Variants in MTUS2 observed in about 807,000 individuals in gnomAD.
MTUS2 encodes the protein microtubule-associated tumor suppressor candidate 2.
A neutral mutation model predicts 114.1 loss-of-function variants in MTUS2; 40 were observed. That is an observed-to-expected ratio of 0.35 (90% confidence interval 0.27 to 0.46). The LOEUF (loss-of-function observed/expected upper bound fraction) is 0.46. Among genes scored for constraint, MTUS2 ranks in the 20% least tolerant of loss-of-function variants. The probability of loss-of-function intolerance (pLI) is 1.00; values close to 1 mark genes in which losing one functional copy is unlikely to be tolerated. For synonymous variants in MTUS2, 688 were observed against 672.0 expected (o/e 1.02, Z -0.37); for missense variants, 1,679 against 1,705.4 (o/e 0.98, Z 0.27).
intron 2 of MTUS2, among the ~76,000 whole-genome samples, chr13:28,911,845 G>GTTTTTTTTTTTTTTTTTTTTTATT (rs202187530): frequency 8.7e-5 from 9 of 103,814 alleles, no homozygotes; most frequent in African/African-American, 1.5e-4. Context: ...ACTTTTTAAT[G>GTTTTTTTTTTTTTTTTTTTTTATT]TTTTTTTTTT....
chr13:29,264,915 C>A (rs183123533), intron 5 of MTUS2, among the ~76,000 whole-genome samples: 7 of 152,376 alleles, frequency 4.6e-5, no homozygotes, highest in Admixed American at 4.6e-4. Flanking sequence ...GATATTAGCA[C>A]TTGACTCCCT....
intron 8 of MTUS2, among the ~76,000 whole-genome samples, chr13:29,430,298 G>C (rs914446976): frequency 3.3e-5 from 5 of 152,094 alleles, no homozygotes; most frequent in African/African-American, 1.2e-4. Context: ...AGTATGTTTC[G>C]AAAGGAGTCT....
intron 8 of MTUS2, among the ~76,000 whole-genome samples, chr13:29,424,289 A>G (rs529452452): frequency 5.3e-5 from 8 of 152,336 alleles, no homozygotes; most frequent in African/African-American, 1.9e-4. Flanking sequence ...TGATTACTAC[A>G]TATTGTATGC....
At chr13:29,293,443 C>T (rs1338757741) in intron 6 of MTUS2, among the ~76,000 whole-genome samples, 2 of 152,102 alleles carry the variant, frequency 1.3e-5, no homozygotes, top group Admixed American at 6.5e-5. Flanking sequence ...AGATTTATTA[C>T]ATCCAGCGTT....
rs58312532 is a variant in MTUS2, at chr13:29,371,218, A to ACC, written c.3117+11755_3117+11756dup. ...TTCATTTAATATCTTCACATTAACCACCCCCCCCCCCTTTTTTGAGATGGA... is the reference window on the plus strand; with the variant it reads ...TTCATTTAATATCTTCACATTAACCACCCCCCCCCCCCCTTTTTTGAGATGGA... On this transcript the variant is annotated intron_variant, in intron 8 of 15. Transcript: ENST00000612955. 4.0e-4 allele frequency among the ~76,000 whole-genome samples: 41 copies of ACC among 101,342 alleles called. No homozygotes were observed. In the East Asian group the frequency reaches 6.8e-3, roughly 17 times the overall value. 66.5% of individuals were successfully genotyped at this position (101,342 alleles called of 152,430 possible).
intron 2 of MTUS2, among the ~76,000 whole-genome samples, chr13:28,892,189 T>C (rs1878972722): frequency 6.6e-6 from 1 of 152,200 alleles, no homozygotes; most frequent in African/African-American, 2.4e-5. Flanking sequence ...AGTATTTATA[T>C]ACCCTGTGTT....
chr13:29,172,115 G>A (rs1893588611), intron 5 of MTUS2, among the ~76,000 whole-genome samples: 1 of 152,148 alleles, frequency 6.6e-6, no homozygotes, highest in African/African-American at 2.4e-5. Context: ...AGGTGATTGT[G>A]GTATCATGGA....
At chr13:29,194,595 A>C (rs1894594742) in intron 5 of MTUS2, among the ~76,000 whole-genome samples, 1 of 151,588 alleles carries the variant, frequency 6.6e-6, no homozygotes, top group South Asian at 2.1e-4. Flanking sequence ...TCAGGAAACA[A>C]CAGGTGCTGG....
intron 5 of MTUS2, among the ~76,000 whole-genome samples, chr13:29,201,394 C>T (rs1051806460): frequency 6.6e-6 from 1 of 151,486 alleles, no homozygotes; most frequent in Non-Finnish European, 1.5e-5. Context: ...TGTTTTGAGC[C>T]TGTGTGTGTC....
intron 6 of MTUS2, among the ~76,000 whole-genome samples, chr13:29,314,697 G>A (rs999669849): frequency 6.6e-6 from 1 of 152,204 alleles, no homozygotes; most frequent in African/African-American, 2.4e-5. Flanking sequence ...GATAAGACAA[G>A]ATACTACTGG....
chr13:28,910,937 G>A (rs550563102), intron 2 of MTUS2, among the ~76,000 whole-genome samples: 5 of 131,222 alleles, frequency 3.8e-5, no homozygotes, highest in South Asian at 4.9e-4. Flanking sequence ...GTACAGTGGC[G>A]TGATCTCGGC....
chr13:29,389,371 G>GTGTGTA (rs1566172660), intron 8 of MTUS2, among the ~76,000 whole-genome samples: 13 of 64,392 alleles, frequency 2.0e-4, no homozygotes, highest in East Asian at 4.6e-4. Context: ...ATGCACGTGT[G>GTGTGTA]TGTATATATG....
rs1566163838 is a variant in MTUS2, at chr13:29,375,634, TATATACAC to T, written c.3117+16163_3117+16170del. 3.3e-3 allele frequency among the ~76,000 whole-genome samples: 28 copies of T among 8,608 alleles called. 10 individuals are homozygous for T. The highest frequency in any genetic ancestry group is 6.0e-3 in the Non-Finnish European group (11 of 1,838). The allele number at this position is 8,608 out of a possible 152,430, so 5.6% of individuals were successfully genotyped here. A position where few individuals can be genotyped will look rare whatever the true frequency, so the allele number is the denominator to read the frequency against. ...GTATATATATATATATATATATATA[TATATACAC>T]ACACCATGAAATACCACTCAGCTAT... On this transcript the variant is annotated intron_variant, in intron 8 of 15. Transcript: ENST00000612955.
intron 2 of MTUS2, among the ~76,000 whole-genome samples, chr13:28,983,783 T>C (rs967576765): frequency 2.0e-5 from 3 of 152,242 alleles, no homozygotes; most frequent in Admixed American, 6.5e-5. Context: ...GCCAGGGCTC[T>C]AGAGCACTCT....
At chr13:29,302,116 G>C (rs1383408496) in intron 6 of MTUS2, among the ~76,000 whole-genome samples, 1 of 152,168 alleles carries the variant, frequency 6.6e-6, no homozygotes, top group Non-Finnish European at 1.5e-5. Flanking sequence ...GCACTCAGAG[G>C]AATGAAAAGG....
At chr13:29,048,950 G>T (rs1293950863) in intron 4 of MTUS2, among the ~76,000 whole-genome samples, 1 of 152,174 alleles carries the variant, frequency 6.6e-6, no homozygotes, top group Non-Finnish European at 1.5e-5. Flanking sequence ...CTGGAGTAAA[G>T]TTATATCACT....
intron 8 of MTUS2, among the ~76,000 whole-genome samples, chr13:29,401,128 C>T (rs571842364): frequency 1.1e-4 from 17 of 152,202 alleles, no homozygotes; most frequent in South Asian, 1.0e-3. Flanking sequence ...CCTGGGACTA[C>T]GGGCACACAC....
At chr13:29,490,874 G>A (rs917728525) in intron 11 of MTUS2, among the ~76,000 whole-genome samples, 1 of 152,246 alleles carries the variant, frequency 6.6e-6, no homozygotes. Context: ...AGGATTTAAT[G>A]TTAATTACCT....
At chr13:29,253,283 A>G (rs1048880910) in intron 5 of MTUS2, among the ~76,000 whole-genome samples, 1 of 151,916 alleles carries the variant, frequency 6.6e-6, no homozygotes, top group Non-Finnish European at 1.5e-5. Context: ...AAAATTAGCC[A>G]GGTGTGGTGG....
Sources: allele counts gnomAD v4.1 joint callset (sites outside exome capture counted in the v4.1 genomes callset), GRCh38; gene constraint gnomAD v4.1.1; transcripts MANE v1.5; gene names NCBI Gene and HGNC (gene_info 2026-07-23, HGNC 2026-07-21).